The following CNIH3 variants were observed in gnomAD, a reference collection of about 807,000 sequenced individuals.
CNIH3 encodes the protein cornichon family AMPA receptor auxiliary protein 3.
In CNIH3, 14 loss-of-function variants were observed where a neutral mutation model predicts 24.1. The ratio of observed to expected loss-of-function variants is 0.58; its 90% CI spans 0.38 to 0.91. The LOEUF (loss-of-function observed/expected upper bound fraction) is 0.91, where lower values mean the gene tolerates loss of function less well. Ranked by LOEUF, CNIH3 falls within the 40% of genes least tolerant of loss-of-function variation. CNIH3 has a pLI of 0.00. For missense variants in CNIH3, 178 were observed against 196.8 expected, an observed-to-expected ratio of 0.90 and a Z score of 0.57; for synonymous variants, 68 against 73.8, an observed-to-expected ratio of 0.92 and a Z score of 0.40.
chr1:224,705,819 CTCTTTT>C (rs1430340119), intron 3 of CNIH3, among the ~76,000 whole-genome samples: 2 of 148,612 alleles, frequency 1.3e-5, no homozygotes, highest in African/African-American at 2.5e-5. Flanking sequence ...TTTTCTCTTT[CTCTTTT>C]TCTTTTCTTT....
chr1:224,464,872 T>G (rs1344104073), intron 1 of CNIH3, among the ~76,000 whole-genome samples: 1 of 151,918 alleles, frequency 6.6e-6, no homozygotes. Context: ...CACAGCTCAC[T>G]GCAGTCATTA....
intron 3 of CNIH3, among the ~76,000 whole-genome samples, chr1:224,593,624 T>C (rs873830): frequency 0.048 from 7,281 of 152,294 alleles, 591 homozygotes; most frequent in African/African-American, 0.16. Flanking sequence ...ATCTGATCAC[T>C]GTACATTATA....
At chr1:224,465,572 A>G (rs1408560110) in intron 1 of CNIH3, among the ~76,000 whole-genome samples, 1 of 152,202 alleles carries the variant, frequency 6.6e-6, no homozygotes, top group Non-Finnish European at 1.5e-5. Flanking sequence ...ACCACAGTCT[A>G]TACTATTATT....
chr1:224,493,803 G>A (rs1677328307), intron 1 of CNIH3, among the ~76,000 whole-genome samples: 2 of 152,228 alleles, frequency 1.3e-5, no homozygotes, highest in African/African-American at 4.8e-5. Flanking sequence ...GGGAGAGAGT[G>A]CGATTCCTTT....
intron 3 of CNIH3, among the ~76,000 whole-genome samples, chr1:224,693,859 A>G (rs1687045794): frequency 6.6e-6 from 1 of 152,226 alleles, no homozygotes; most frequent in African/African-American, 2.4e-5. Context: ...TCACCTCTGG[A>G]GATGTTTCAA....
At chr1:224,648,679 C>T (rs1401474144) in intron 1 of CNIH3, among the ~76,000 whole-genome samples, 1 of 152,104 alleles carries the variant, frequency 6.6e-6, no homozygotes, top group Non-Finnish European at 1.5e-5. Flanking sequence ...GGCCCAATTA[C>T]TTCCCCCCAT....
chr1:224,451,731 T>A (rs1213710347), intron 1 of CNIH3, among the ~76,000 whole-genome samples: 5 of 152,248 alleles, frequency 3.3e-5, no homozygotes, highest in Admixed American at 3.3e-4. Flanking sequence ...TGGTGTCAGC[T>A]GGCTTTAACA....
chr1:224,600,847 G>C (rs1682177143), intron 3 of CNIH3, among the ~76,000 whole-genome samples: 1 of 152,326 alleles, frequency 6.6e-6, no homozygotes, highest in African/African-American at 2.4e-5. Flanking sequence ...GTCCTTATAA[G>C]AAAATATACC....
chr1:224,721,285 C>G (rs550445878), intron 3 of CNIH3, among the ~76,000 whole-genome samples: 9 of 152,290 alleles, frequency 5.9e-5, no homozygotes, highest in African/African-American at 2.2e-4. Context: ...CTTAACCCCA[C>G]TGCCCTCCTT....
chr1:224,460,621 T>G (rs965758989), intron 1 of CNIH3, among the ~76,000 whole-genome samples: 2 of 152,256 alleles, frequency 1.3e-5, no homozygotes, highest in Non-Finnish European at 2.9e-5. Flanking sequence ...TACAGTTTGT[T>G]TAATCCATTC....
At chr1:224,623,212 TTGAC>T (rs1173461457) in intron 1 of CNIH3, among the ~76,000 whole-genome samples, 1 of 152,166 alleles carries the variant, frequency 6.6e-6, no homozygotes, top group Admixed American at 6.5e-5. Context: ...TGGCCCTCCT[TTGAC>T]TGTGGCTTTT....
At chr1:224,456,631 A>C (rs1675673471) in intron 1 of CNIH3, among the ~76,000 whole-genome samples, 1 of 152,166 alleles carries the variant, frequency 6.6e-6, no homozygotes, top group South Asian at 2.1e-4. Flanking sequence ...GGCTGGTCTC[A>C]AACCCCTGGC....
intron 4 of CNIH3, among the ~76,000 whole-genome samples, chr1:224,577,638 T>C (rs1214562144): frequency 1.3e-5 from 2 of 152,208 alleles, no homozygotes; most frequent in African/African-American, 4.8e-5. Context: ...ACAACCACTA[T>C]GGAAAACAGT....
At chr1:224,674,556 T>C (rs907845282) in intron 1 of CNIH3, among the ~76,000 whole-genome samples, 2 of 151,968 alleles carry the variant, frequency 1.3e-5, no homozygotes, top group African/African-American at 4.8e-5. Context: ...CTGTAGTCCT[T>C]GGTGAGGCTC....
chr1:224,504,109 G>A (rs1677799196), intron 1 of CNIH3, among the ~76,000 whole-genome samples: 1 of 152,194 alleles, frequency 6.6e-6, no homozygotes, highest in Non-Finnish European at 1.5e-5. Flanking sequence ...GCTGTTTTGA[G>A]GACTGTATGG....
chr1:224,563,749 C>T (rs116649466), intron 3 of CNIH3, among the ~76,000 whole-genome samples: 2,951 of 152,178 alleles, frequency 0.019, 87 homozygotes, highest in African/African-American at 0.065. Flanking sequence ...ATTGGACAAA[C>T]AGGTATTTAT....
At chr1:224,494,997 G>C (rs1677376688) in intron 1 of CNIH3, among the ~76,000 whole-genome samples, 1 of 152,176 alleles carries the variant, frequency 6.6e-6, no homozygotes. Context: ...TGAATCTGGA[G>C]TACAGGACAA....
chr1:224,710,607 C>A (rs1688086374), intron 3 of CNIH3, among the ~76,000 whole-genome samples: 1 of 152,146 alleles, frequency 6.6e-6, no homozygotes, highest in Admixed American at 6.6e-5. Flanking sequence ...TTGCAATCTG[C>A]TTTTTTTCAA....
intron 3 of CNIH3, among the ~76,000 whole-genome samples, chr1:224,548,667 A>G (rs967271556): frequency 2.6e-5 from 4 of 151,576 alleles, no homozygotes; most frequent in African/African-American, 4.8e-5. Flanking sequence ...GGGAGATATT[A>G]CTGCCACTAT....
Sources: gnomAD v4.1 joint callset for allele counts (sites outside exome capture counted in the v4.1 genomes callset) on GRCh38, gnomAD v4.1.1 for gene constraint, MANE v1.5 for transcripts, NCBI Gene and HGNC (gene_info 2026-07-23, HGNC 2026-07-21) for gene names.